ERICH1: variants seen among roughly 807,000 people sequenced by gnomAD.
ERICH1 encodes glutamate rich 1, also known as glutamate-rich protein 1.
A neutral mutation model predicts 39.6 loss-of-function variants in ERICH1; 56 were observed. The observed-to-expected ratio is 1.41, with a 90% CI of 1.14 to 1.77. The LOEUF is 1.77. Among genes scored for constraint, ERICH1 ranks in the 40% most tolerant of loss-of-function variants. The pLI is 0.00. For synonymous variants in ERICH1, 313 were observed against 223.6 expected, an observed-to-expected ratio of 1.40 and a Z score of -3.57; for missense variants, 826 against 575.4, an observed-to-expected ratio of 1.44 and a Z score of -4.45.
intron 3 of ERICH1, among the ~76,000 whole-genome samples, chr8:678,427 G>A (rs897093657): frequency 1.3e-5 from 2 of 152,164 alleles, no homozygotes; most frequent in Admixed American, 6.5e-5. Context: ...TTAGCCAATG[G>A]ACACAGAAAG....
intron 1 of ERICH1, 80 bp downstream of exon 1, chr8:731,060 G>C: frequency 7.3e-7 from 1 of 1,365,322 alleles, no homozygotes; most frequent in Non-Finnish European, 9.5e-7. Flanking sequence ...GGCCGGGGTC[G>C]GGGTCCCGAG....
At position 624,072 on chromosome 8, in the gene ERICH1, G is replaced by C. The variant is rs550966630; in HGVS notation, c.977-8788C>G. 6.6e-4 allele frequency among the ~76,000 whole-genome samples: 100 copies of C among 152,284 alleles called. 2 individuals carry two copies. The South Asian group carries it at 0.018, about 28-fold the overall frequency. On this transcript the variant is annotated intron_variant, in intron 3 of 3. Coordinates refer to the ERICH1 transcript ENST00000522706. ...CTCAATAATAAAAAACCCAACTGCA[G>C]ATTAGTGAAGGATTTGAATAGACAT...
intron 3 of ERICH1, among the ~76,000 whole-genome samples, chr8:633,619 C>T (rs1446752568): frequency 3.9e-5 from 6 of 152,178 alleles, no homozygotes; most frequent in Non-Finnish European, 8.8e-5. Context: ...ACTCACATTT[C>T]CTGATTCAAA....
Position 715,861 on chromosome 8 carries a change from C to T in ERICH1, c.169G>A (p.Asp57Asn). 1 of 1,607,128 alleles carries T rather than the reference C, an allele frequency of 6.2e-7. No homozygotes were observed. The highest frequency in any genetic ancestry group is 8.5e-7 in the Non-Finnish European group (1 of 1,177,608). The stretch of plus-strand genomic sequence containing the variant: ...CACCCACATCTGCAGACAAACTCAC[C>T]TGTCAAAGGCTCAGCATGTTTCTGG... ...VSQKHAEPLT[D>N]TGSETPTARR... is the part of the protein sequence containing the mutation. The change falls in exon 2 of 6, where the codon GAC (aspartate) becomes AAC (asparagine). Residue 57 changes from aspartate to asparagine, a missense_variant and splice_region_variant. Physicochemically the swap from Asp to Asn is conservative, Grantham distance 23 (BLOSUM62 1). Transcript: ENST00000262109.
chr8:663,287 C>T (rs903504565), downstream of ERICH1, among the ~76,000 whole-genome samples: 1 of 152,128 alleles, frequency 6.6e-6, no homozygotes, highest in Non-Finnish European at 1.5e-5. Context: ...CAGCTTTGGG[C>T]AGGGGTGGTC....
At chr8:718,308 C>T (rs1381460557) in intron 1 of ERICH1, among the ~76,000 whole-genome samples, 1 of 152,066 alleles carries the variant, frequency 6.6e-6, no homozygotes, top group Admixed American at 6.5e-5. Context: ...CCCCAGGTCA[C>T]GGTCTTTCAA....
intron 2 of ERICH1, among the ~76,000 whole-genome samples, chr8:696,298 T>A (rs1463728813): frequency 1.5e-5 from 1 of 68,280 alleles, no homozygotes; most frequent in Non-Finnish European, 2.7e-5. Context: ...CCTTCACTCC[T>A]CTCCTTCCTC....
chr8:620,426 G>C (rs1173044633), intron 3 of ERICH1, among the ~76,000 whole-genome samples: 2 of 152,028 alleles, frequency 1.3e-5, no homozygotes, highest in Admixed American at 6.5e-5. Context: ...CAATCAAAAG[G>C]CAGAGATCAT....
At chr8:692,714 G>A (rs898879228) in intron 2 of ERICH1, 102 bp from the exon 3 acceptor site, 1 of 1,318,160 alleles carries the variant, frequency 7.6e-7, no homozygotes, top group East Asian at 2.7e-5. Context: ...ATTCATTCAA[G>A]ACATGAAATC....
intron 3 of ERICH1, among the ~76,000 whole-genome samples, chr8:655,001 A>C (rs1342915729): frequency 6.6e-6 from 1 of 152,198 alleles, no homozygotes; most frequent in Non-Finnish European, 1.5e-5. Flanking sequence ...TCACTTGGGC[A>C]CTTTAATTAT....
chr8:625,436 A>G (rs564462566), intron 3 of ERICH1, among the ~76,000 whole-genome samples: 1 of 152,248 alleles, frequency 6.6e-6, no homozygotes, highest in South Asian at 2.1e-4. Flanking sequence ...ATCTACAGAG[A>G]CAGGAAGAAG....
intron 3 of ERICH1, among the ~76,000 whole-genome samples, chr8:632,241 T>C (rs902435345): frequency 6.6e-6 from 1 of 152,208 alleles, no homozygotes; most frequent in Non-Finnish European, 1.5e-5. Flanking sequence ...GTCGTGTTTA[T>C]CTTGATAACA....
intron 3 of ERICH1, among the ~76,000 whole-genome samples, chr8:621,735 A>G (rs75162354): frequency 0.012 from 1,871 of 152,268 alleles, 39 homozygotes; most frequent in African/African-American, 0.042. Flanking sequence ...AAATTACCAA[A>G]GTTAGAAATG....
intron 1 of ERICH1, among the ~76,000 whole-genome samples, chr8:721,055 A>G (rs953809365): frequency 6.6e-6 from 1 of 152,228 alleles, no homozygotes; most frequent in South Asian, 2.1e-4. Context: ...TGTCCTGTAA[A>G]CAGGCACAAA....
At chr8:712,043 T>C (rs1814856143) in intron 2 of ERICH1, among the ~76,000 whole-genome samples, 1 of 152,226 alleles carries the variant, frequency 6.6e-6, no homozygotes, top group South Asian at 2.1e-4. Flanking sequence ...TTGATTACTG[T>C]AGATTTCTGG....
At chr8:623,338 C>A (rs553670764) in intron 3 of ERICH1, among the ~76,000 whole-genome samples, 23 of 152,288 alleles carry the variant, frequency 1.5e-4, no homozygotes, top group Admixed American at 2.6e-4. Context: ...AAACTCAACA[C>A]CCTTTCATAA....
At chr8:616,255 G>A (rs555648368) in intron 3 of ERICH1, 2 of 280,568 alleles carry the variant, frequency 7.1e-6, no homozygotes, top group South Asian at 6.6e-5. Flanking sequence ...TGGTGTCTGA[G>A]GCACAGATCT....
chr8:630,950 C>T (rs866381914), intron 3 of ERICH1, among the ~76,000 whole-genome samples: 862 of 116,554 alleles, frequency 7.4e-3, no homozygotes, highest in South Asian at 0.013. Context: ...GACACACACC[C>T]TCCTGTGAGC....
chr8:718,929 T>A (rs1563348595), intron 1 of ERICH1, among the ~76,000 whole-genome samples: 1 of 151,990 alleles, frequency 6.6e-6, no homozygotes, highest in East Asian at 1.9e-4. Context: ...ATCTGTACCC[T>A]GGTGTGTTGT....
Sources: allele counts gnomAD v4.1 joint callset (sites outside exome capture counted in the v4.1 genomes callset), GRCh38; gene constraint gnomAD v4.1.1; transcripts MANE v1.5; gene names NCBI Gene and HGNC (gene_info 2026-07-23, HGNC 2026-07-21).